Variants in QSER1 observed in about 807,000 individuals in gnomAD.
QSER1 encodes the protein glutamine and serine-rich protein 1.
Under a neutral mutation model 158.5 loss-of-function variants are expected in QSER1, and 49 were observed. The ratio of observed to expected loss-of-function variants is 0.31; its 90% CI spans 0.25 to 0.39. The LOEUF (loss-of-function observed/expected upper bound fraction) is 0.39. Among genes scored for constraint, QSER1 ranks in the 10% least tolerant of loss-of-function variants. The probability of loss-of-function intolerance (pLI) is 1.00; values close to 1 mark genes in which losing one functional copy is unlikely to be tolerated. For missense variants in QSER1, 1,754 were observed against 2,010.3 expected (o/e 0.87, Z 2.44); for synonymous variants, 650 against 715.5 (o/e 0.91, Z 1.46).
intron 4 of QSER1, among the ~76,000 whole-genome samples, chr11:32,948,711 T>C (rs190651032): frequency 1.3e-5 from 2 of 152,308 alleles, no homozygotes; most frequent in East Asian, 1.9e-4. Flanking sequence ...TGATGAACTT[T>C]CCCTCTACTA....
At position 32,934,800 on chromosome 11, in the gene QSER1, G is replaced by T; in HGVS notation, c.3542G>T (p.Gly1181Val). Residue 1181 changes from glycine to valine, a missense_variant, in exon 4 of 13, where the codon GGG (glycine) becomes GTG (valine). Gly to Val is a moderately radical substitution (Grantham distance 109). Around this residue, in one of 2 missense-constraint regions of QSER1, gnomAD observed 1,707 missense variants for 1,919.6 expected, o/e 0.89. Transcript: ENST00000650167. ...GCACTGTTGGCCATGGCCCAATCTG[G>T]GGATGCAGTCAGTGTCAAGATTGAA... ...ALALLAMAQS[G>V]DAVSVKIEEE... The T allele has an allele frequency of 3.1e-6, 5 of 1,614,032 alleles. No individual in the cohort carries two copies. The highest frequency in any genetic ancestry group is 4.2e-6 in the Non-Finnish European group (5 of 1,180,004).
chr11:32,921,329 C>T (rs1247863753), intron 1 of QSER1, among the ~76,000 whole-genome samples: 1 of 152,034 alleles, frequency 6.6e-6, no homozygotes, highest in African/African-American at 2.4e-5. Flanking sequence ...TCAGTGATTG[C>T]CAGGGGCAGA....
Position 32,977,454 on chromosome 11 carries a change from A to G in QSER1, c.*980A>G, listed in dbSNP as rs1009338610. 4.6e-5 allele frequency: 7 copies of G among 152,662 alleles called. No homozygotes were observed. Among genetic ancestry groups the G allele is most frequent in the Non-Finnish European group, 7.3e-5 (5 of 68,028 alleles). The allele number at this position is 152,662 out of a possible 1,614,324, so 9.5% of individuals were successfully genotyped here. On this transcript the variant is annotated 3_prime_UTR_variant, in exon 13 of 13. Coordinates refer to ENST00000650167, the MANE Select transcript of QSER1 (RefSeq NM_001076786.3). ...AGACACTGCAGTAATTTTCTAATTC[A>G]TAAAATAAACTTCTTACTAAACTAG... is the stretch of plus-strand genomic sequence containing the variant.
Position 32,909,651 on chromosome 11 carries a change from A to C in QSER1, c.209+16317A>C, listed in dbSNP as rs1002213133. 2.6e-5 allele frequency among the ~76,000 whole-genome samples: 4 copies of C among 152,158 alleles called. No homozygotes were observed. In the East Asian group the frequency reaches 7.7e-4, roughly 29 times the overall value. ...GAGACGAGGTTTTGCCACATTGGTC[A>C]GGCTGGTCTCAAACTCCTGACCTCA... is the stretch of plus-strand genomic sequence containing the variant. On this transcript the variant is annotated intron_variant, in intron 1 of 12. Coordinates refer to ENST00000650167, the MANE Select transcript of QSER1 (RefSeq NM_001076786.3).
chr11:32,931,275 T>C (rs1165476359), intron 3 of QSER1, among the ~76,000 whole-genome samples: 1 of 152,140 alleles, frequency 6.6e-6, no homozygotes, highest in Non-Finnish European at 1.5e-5. Context: ...GTAACTTCAT[T>C]TTTACTCTAT....
intron 1 of QSER1, among the ~76,000 whole-genome samples, chr11:32,922,868 G>A: frequency 6.6e-6 from 1 of 152,036 alleles, no homozygotes; most frequent in Admixed American, 6.5e-5. Flanking sequence ...TACATTATTG[G>A]TGGGAATGTA....
At chr11:32,965,408 C>T (rs1852722800) in intron 8 of QSER1, among the ~76,000 whole-genome samples, 2 of 152,022 alleles carry the variant, frequency 1.3e-5, no homozygotes, top group South Asian at 4.1e-4. Context: ...TGCCACTGCA[C>T]CTGCCATACT....
At chr11:32,965,224 G>A (rs1446115070) in intron 8 of QSER1, among the ~76,000 whole-genome samples, 2 of 151,774 alleles carry the variant, frequency 1.3e-5, no homozygotes, top group Non-Finnish European at 2.9e-5. Context: ...CAATCCTCCC[G>A]CCTCAGCCTC....
chr11:32,913,775 T>C (rs1386864242), intron 1 of QSER1, among the ~76,000 whole-genome samples: 1 of 152,220 alleles, frequency 6.6e-6, no homozygotes, highest in Non-Finnish European at 1.5e-5. Context: ...TAGGTGTTAC[T>C]ATTACCCATA....
At chr11:32,907,946 C>G (rs1013643638) in intron 1 of QSER1, among the ~76,000 whole-genome samples, 1 of 152,028 alleles carries the variant, frequency 6.6e-6, no homozygotes, top group Non-Finnish European at 1.5e-5. Context: ...ACAAAAAATA[C>G]ATAATTAGCT....
At chr11:32,944,692 C>G (rs1227762168) in intron 4 of QSER1, among the ~76,000 whole-genome samples, 1 of 122,362 alleles carries the variant, frequency 8.2e-6, no homozygotes, top group Non-Finnish European at 1.7e-5. Context: ...TGGTGTGGTG[C>G]TGAAAAAAAT....
At chr11:32,972,182 C>G (rs116461950) in intron 10 of QSER1, among the ~76,000 whole-genome samples, 2 of 151,772 alleles carry the variant, frequency 1.3e-5, no homozygotes, top group African/African-American at 4.8e-5. Flanking sequence ...AAAACACTTG[C>G]GCTTATCGAA....
rs775603580 is a variant in QSER1, at chr11:32,934,500, A to G, written c.3242A>G (p.Gln1081Arg). The change falls in exon 4 of 13, where the codon CAA becomes CGA. Residue 1081 changes from glutamine (Q) to arginine (R), a missense_variant. Gln to Arg is a conservative substitution (Grantham distance 43, BLOSUM62 1). Around this residue, in one of 2 missense-constraint regions of QSER1, gnomAD observed 1,707 missense variants for 1,919.6 expected, o/e 0.89. Transcript: ENST00000650167. ...LDQQHIETPG[Q>R]NIPTKVTSAV... ...CAACAGCACATTGAAACACCTGGTC[A>G]AAATATACCAACTAAAGTAACTTCA... 6.2e-7 allele frequency: 1 copy of G among 1,613,674 alleles called. No homozygotes were observed. Among genetic ancestry groups the G allele is most frequent in the Non-Finnish European group, 8.5e-7 (1 of 1,180,006 alleles).
chr11:32,973,437 G>T lies in QSER1; in HGVS notation c.5246G>T (p.Arg1749Leu). ...TTTCCTGAACTAACAATAATTACTC[G>T]AGATTCTAAAGCAAAGAGTGGAGGA... ...ESFPELTIIT[R>L]DSKAKSGGTA... Residue 1749 changes from arginine to leucine, a missense_variant, in exon 11 of 13, where the codon CGA becomes CTA. Around this residue, in one of 2 missense-constraint regions of QSER1, gnomAD observed 1,707 missense variants for 1,919.6 expected, o/e 0.89. Coordinates refer to ENST00000650167, the MANE Select transcript of QSER1 (RefSeq NM_001076786.3). 6.2e-7 allele frequency: 1 copy of T among 1,613,658 alleles called. No individual in the cohort carries two copies. The highest frequency in any genetic ancestry group is 1.1e-5 in the South Asian group (1 of 90,982).
Position 32,900,589 on chromosome 11 carries a change from GCCTACAAAGC to G in QSER1, c.209+7259_209+7268del, listed in dbSNP as rs201298540. ...AAAAAAAATCGAATGACTTATCGTG[GCCTACAAAGC>G]CCTGCATGATCTAAGCCTCAGCTAA... On this transcript the variant is annotated intron_variant, in intron 1 of 12. Transcript: ENST00000650167. Among the ~76,000 whole-genome samples the G allele has an allele frequency of 6.9e-3, 1,041 of 151,936 alleles. 15 individuals carry two copies. Among genetic ancestry groups the G allele is most frequent in the African/African-American group, 0.024 (1,004 of 41,436 alleles).
At chr11:32,925,499 TTTATTTA>T (rs1564931456) in intron 1 of QSER1, among the ~76,000 whole-genome samples, 63 of 85,902 alleles carry the variant, frequency 7.3e-4, no homozygotes, top group South Asian at 6.9e-3. Context: ...CGCTTTTTTA[TTTATTTA>T]TTTATTTATT....
chr11:32,925,520 T>TTATG (rs1315722413), intron 1 of QSER1, among the ~76,000 whole-genome samples: 3 of 150,720 alleles, frequency 2.0e-5, no homozygotes, highest in Admixed American at 2.0e-4. Context: ...ATTTATTTAT[T>TTATG]TATTTATTTA....
chr11:32,935,236 T>C lies in QSER1; in HGVS notation c.3978T>C (p.Ser1326=), dbSNP rs1413076748. The change falls in exon 4 of 13, where the codon TCT becomes TCC. Residue 1326 remains serine, a synonymous_variant. Transcript: ENST00000650167. ...CCCCACCACTTCCCAAGCCTTCATC[T>C]ACAACACCCACACCTTTAGTGTCTG... ...FCPPPLPKPS[S]TTPTPLVSET... is the part of the protein sequence containing the mutation. 1 of 1,613,980 alleles carries C rather than the reference T, an allele frequency of 6.2e-7. No homozygotes were observed. Among genetic ancestry groups the C allele is most frequent in the Non-Finnish European group, 8.5e-7 (1 of 1,179,914 alleles).
chr11:32,899,764 T>C (rs1266971258), intron 1 of QSER1, among the ~76,000 whole-genome samples: 1 of 152,182 alleles, frequency 6.6e-6, no homozygotes, highest in Non-Finnish European at 1.5e-5. Context: ...GTTGAAGTGC[T>C]CAGAAACTTG....
Sources: allele counts gnomAD v4.1 joint callset (sites outside exome capture counted in the v4.1 genomes callset), GRCh38; gene constraint gnomAD v4.1.1; regional missense constraint gnomAD v4.1.1; transcripts MANE v1.5; gene names NCBI Gene and HGNC (gene_info 2026-07-23, HGNC 2026-07-21).